ITGB5: variants seen among roughly 807,000 people sequenced by gnomAD.
ITGB5 encodes the protein integrin subunit beta 5.
Under a neutral mutation model 84.8 loss-of-function variants are expected in ITGB5, and 38 were observed. That is an observed-to-expected ratio of 0.45 (90% CI 0.35 to 0.59). The LOEUF (loss-of-function observed/expected upper bound fraction) is 0.59, where lower values mean the gene tolerates loss of function less well. Among genes scored for constraint, ITGB5 ranks in the 20% least tolerant of loss-of-function variants. The pLI is 0.01. For synonymous variants in ITGB5, 393 were observed against 414.4 expected, an observed-to-expected ratio of 0.95 and a Z score of 0.63; for missense variants, 905 against 1,034.5, an observed-to-expected ratio of 0.87 and a Z score of 1.72.
chr3:124,849,224 C>A (rs1387636882), intron 3 of ITGB5, among the ~76,000 whole-genome samples: 4 of 152,112 alleles, frequency 2.6e-5, no homozygotes, highest in Non-Finnish European at 4.4e-5. Context: ...AGTAGCCCAC[C>A]AACCACATAC....
intron 2 of ITGB5, among the ~76,000 whole-genome samples, chr3:124,869,332 T>C (rs2065441647): frequency 6.6e-6 from 1 of 152,148 alleles, no homozygotes; most frequent in Non-Finnish European, 1.5e-5. Context: ...TCCCAGCACT[T>C]TGGGAGGCAG....
At chr3:124,821,240 G>T in intron 6 of ITGB5, 73 bp downstream of exon 6, 1 of 1,503,822 alleles carries the variant, frequency 6.6e-7, no homozygotes, top group Non-Finnish European at 9.0e-7. Flanking sequence ...TTCAAGGCTG[G>T]GCAAGTACTA....
chr3:124,847,752 T>C (rs1279670766), intron 4 of ITGB5, among the ~76,000 whole-genome samples: 3 of 152,224 alleles, frequency 2.0e-5, no homozygotes, highest in Admixed American at 6.5e-5. Context: ...TTTGTTATTA[T>C]AGAATCTGGC....
Position 124,769,129 on chromosome 3 carries a change from G to A in ITGB5, c.1917-16C>T, listed in dbSNP as rs2063807142. On this transcript the variant is annotated splice_polypyrimidine_tract_variant and intron_variant, in intron 11 of 14. Transcript: ENST00000296181. The stretch of plus-strand genomic sequence containing the variant: ...GACGCAATCTCTTTGGAAAAGAGGA[G>A]ATAAAGGTGGGTGTCAGATAATGTA... The A allele has an allele frequency of 6.2e-7, 1 of 1,605,970 alleles. No individual in the cohort carries two copies. Among genetic ancestry groups the A allele is most frequent in the South Asian group, 1.1e-5 (1 of 90,958 alleles).
chr3:124,891,605 A>AAT (rs1473467784), upstream of ITGB5, among the ~76,000 whole-genome samples: 1 of 151,822 alleles, frequency 6.6e-6, no homozygotes, highest in African/African-American at 2.4e-5. Context: ...AAAAAAAAAA[A>AAT]AAAAAAGGAA....
intron 9 of ITGB5, among the ~76,000 whole-genome samples, chr3:124,800,808 C>T (rs978134525): frequency 6.6e-5 from 10 of 152,234 alleles, no homozygotes; most frequent in Non-Finnish European, 1.2e-4. Context: ...GAGGCCTCTT[C>T]GAGTCCCTCC....
chr3:124,841,237 G>T, intron 5 of ITGB5, 146 bp downstream of exon 5: 2 of 700,186 alleles, frequency 2.9e-6, no homozygotes, highest in Non-Finnish European at 4.7e-6. Flanking sequence ...TTTCCCAGAA[G>T]TTCCACTGAG....
At position 124,817,655 on chromosome 3, in the gene ITGB5, T is replaced by C; in HGVS notation, c.1094A>G (p.Lys365Arg). 6.3e-7 allele frequency: 1 copy of C among 1,590,796 alleles called. No individual in the cohort carries two copies. ...TTVEILDGDS[K>R]NIIQLIINAY... ...ATTAATAATCAGTTGAATAATATTT[T>C]TGGAGTCTCCATCTAAAATCTCCAC... The change falls in exon 8 of 15, where the codon AAA becomes AGA. Residue 365 changes from lysine (K) to arginine (R), a missense_variant. Lys to Arg is a conservative substitution (Grantham distance 26). This residue lies in a region of ITGB5 where 656 missense variants were observed against 734.7 expected (regional missense o/e 0.89). Coordinates refer to ENST00000296181, the MANE Select transcript of ITGB5 (RefSeq NM_002213.5).
chr3:124,809,021 C>G lies in ITGB5; in HGVS notation c.1263+1G>C. The G allele has an allele frequency of 1.2e-6, 2 of 1,613,886 alleles. No individual in the cohort carries two copies. Among genetic ancestry groups the G allele is most frequent in the South Asian group, 1.1e-5 (1 of 91,018 alleles). On this transcript the variant is annotated splice_donor_variant, in intron 9 of 14. Transcript: ENST00000296181. LOFTEE classifies it high-confidence loss of function. ...TCATACAAACTTGGGGTGAGACTTA[C>G]CGTGTCCCCAATCTTCAGACCCTCA...
chr3:124,831,708 C>A (rs570389724), intron 5 of ITGB5, among the ~76,000 whole-genome samples: 27 of 152,306 alleles, frequency 1.8e-4, no homozygotes, highest in South Asian at 1.0e-3. Context: ...CGAGGTCAAT[C>A]TGCCTAATTA....
chr3:124,800,910 C>T (rs2107524608), intron 9 of ITGB5, among the ~76,000 whole-genome samples: 1 of 152,354 alleles, frequency 6.6e-6, no homozygotes, highest in East Asian at 1.9e-4. Flanking sequence ...AGGAAGGTCA[C>T]AGACACAGCA....
intron 8 of ITGB5, among the ~76,000 whole-genome samples, chr3:124,814,713 C>T (rs892324362): frequency 2.0e-5 from 3 of 152,194 alleles, no homozygotes; most frequent in East Asian, 1.9e-4. Flanking sequence ...CCCAAAGCAC[C>T]GGAATTACAG....
chr3:124,835,506 G>A (rs919941825), intron 5 of ITGB5, among the ~76,000 whole-genome samples: 7 of 152,206 alleles, frequency 4.6e-5, no homozygotes, highest in South Asian at 2.1e-4. Context: ...CCAAAGACAC[G>A]GCAGCACAGG....
chr3:124,811,445 A>G (rs1161251664), intron 8 of ITGB5, among the ~76,000 whole-genome samples: 1 of 152,264 alleles, frequency 6.6e-6, no homozygotes, highest in Non-Finnish European at 1.5e-5. Flanking sequence ...AAAGAGCTGA[A>G]GAGTGAAGGC....
intron 6 of ITGB5, 151 bp downstream of exon 6, chr3:124,821,162 C>T (rs2107559502): frequency 3.7e-6 from 3 of 809,170 alleles, no homozygotes; most frequent in Non-Finnish European, 3.9e-6. Context: ...TTGGAGAAGA[C>T]TGAATAATGA....
chr3:124,859,382 C>G lies in ITGB5; in HGVS notation c.221G>C (p.Gly74Ala), dbSNP rs752914144. 9.3e-6 allele frequency: 15 copies of G among 1,614,034 alleles called. No individual in the cohort carries two copies. Among genetic ancestry groups the G allele is most frequent in the Non-Finnish European group, 1.2e-5 (14 of 1,180,036 alleles). Residue 74 changes from glycine to alanine, a missense_variant, in exon 3 of 15, where the codon GGC (glycine) becomes GCC (alanine). Coordinates refer to ENST00000296181, the MANE Select transcript of ITGB5 (RefSeq NM_002213.5). Reference sequence around the variant, plus strand: ...TGGGCTCTCTATCTCACCTCCACAGCCATTTTTGACAAGGTTTGCCCTCAG... The same window carrying G: ...TGGGCTCTCTATCTCACCTCCACAGGCATTTTTGACAAGGTTTGCCCTCAG... ...CDLRANLVKN[G>A]CGGEIESPAS...
intron 2 of ITGB5, among the ~76,000 whole-genome samples, chr3:124,869,916 A>G (rs1933907720): frequency 6.6e-6 from 1 of 152,210 alleles, no homozygotes; most frequent in African/African-American, 2.4e-5. Context: ...TTTTCTAGCC[A>G]CATGTCACTA....
Position 124,809,259 on chromosome 3 carries a change from G to C in ITGB5, c.1129-103C>G, listed in dbSNP as rs1207624418. On this transcript the variant is annotated intron_variant, in intron 8 of 14. Coordinates refer to ENST00000296181, the MANE Select transcript of ITGB5 (RefSeq NM_002213.5). ...GCCCACGTGGCTTCCTCTAACTCAG[G>C]AATCCCAAGCCAAAGGAAGAGCCAG... 5 of 1,275,648 alleles carry C rather than the reference G, an allele frequency of 3.9e-6. No homozygotes were observed. The African/African-American group carries it at 5.9e-5, about 15-fold the overall frequency. The allele number at this position is 1,275,648 out of a possible 1,614,324, so 79.0% of individuals were successfully genotyped here.
At chr3:124,819,033 C>T (rs916989666) in intron 7 of ITGB5, among the ~76,000 whole-genome samples, 1 of 152,210 alleles carries the variant, frequency 6.6e-6, no homozygotes, top group Non-Finnish European at 1.5e-5. Context: ...GTAATTCAAA[C>T]TTGGCTCATC....
Sources: gnomAD v4.1 joint callset for allele counts (sites outside exome capture counted in the v4.1 genomes callset) on GRCh38, gnomAD v4.1.1 for gene constraint, gnomAD v4.1.1 regional missense constraint, MANE v1.5 for transcripts, NCBI Gene and HGNC (gene_info 2026-07-23, HGNC 2026-07-21) for gene names.